The following ADAM20 variants were observed in gnomAD, a reference collection of about 807,000 sequenced individuals.
The protein encoded by ADAM20 is ADAM metallopeptidase domain 20.
For missense variants in ADAM20, 871 were observed against 883.2 expected (o/e 0.99, Z 0.18); for synonymous variants, 305 against 310.2 (o/e 0.98, Z 0.18).
the ADAM20 span, among the ~76,000 whole-genome samples, chr14:70,554,303 T>C: frequency 6.6e-6 from 1 of 152,130 alleles, no homozygotes; most frequent in African/African-American, 2.4e-5. Context: ...ATGGCCATTA[T>C]GGAAAAAAGT....
chr14:70,570,038 GACC>G, the ADAM20 span, among the ~76,000 whole-genome samples: 1 of 150,436 alleles, frequency 6.6e-6, no homozygotes, highest in Non-Finnish European at 1.5e-5. Context: ...CTCTAAATTT[GACC>G]ACAAGCTCGG....
Position 70,523,061 on chromosome 14 carries a change from C to T in ADAM20, c.1697G>A (p.Cys566Tyr). The change falls in exon 2 of 2, where the codon TGT (cysteine) becomes TAT (tyrosine). Residue 566 changes from cysteine to tyrosine, a missense_variant. By Grantham distance (194) the Cys-to-Tyr change is radical. Coordinates refer to ENST00000256389, the MANE Select transcript of ADAM20 (RefSeq NM_003814.5). ...ATTGGGAATTACTCCCACATTTTCA[C>T]ACTGAACCCTCCCACACATGATATC... ...TPDIMCGRVQ[C>Y]ENVGVIPNLI... 1.9e-6 allele frequency: 3 copies of T among 1,613,998 alleles called. No individual in the cohort carries two copies. The highest frequency in any genetic ancestry group is 2.2e-5 in the East Asian group (1 of 44,868).
intron 1 of ADAM20, among the ~76,000 whole-genome samples, chr14:70,528,285 T>C (rs1883633110): frequency 6.6e-6 from 1 of 152,222 alleles, no homozygotes; most frequent in African/African-American, 2.4e-5. Flanking sequence ...CGGGGGAGTT[T>C]GGAACAACAA....
chr14:70,563,130 G>C, the ADAM20 span, among the ~76,000 whole-genome samples: 1 of 152,112 alleles, frequency 6.6e-6, no homozygotes, highest in Admixed American at 6.5e-5. Context: ...GTCACTGCTT[G>C]AGTCACATGA....
chr14:70,562,297 A>G, the ADAM20 span, among the ~76,000 whole-genome samples: 1 of 152,206 alleles, frequency 6.6e-6, no homozygotes, highest in African/African-American at 2.4e-5. Context: ...GTGTTGGCCA[A>G]TTTCTCCCAT....
rs751702950 is a variant in ADAM20 at position 70,524,542 on chromosome 14, G to A, written c.216C>T (p.Tyr72=). Residue 72 remains tyrosine (Y), a synonymous_variant, in exon 2 of 2, where the codon TAC becomes TAT. Transcript: ENST00000256389. ...GCTTATTTACCCTCATGTGGACAAT[G>A]TATCTCTGTCCCCCAAACCGCAGGC... ...SYSLRFGGQR[Y]IVHMRVNKLL... 45 of 1,613,884 alleles carry A rather than the reference G, an allele frequency of 2.8e-5. No individual in the cohort carries two copies. Among genetic ancestry groups the A allele is most frequent in the South Asian group, 2.2e-4 (20 of 91,080 alleles).
chr14:70,556,021 T>C, the ADAM20 span, among the ~76,000 whole-genome samples: 1 of 152,168 alleles, frequency 6.6e-6, no homozygotes, highest in East Asian at 1.9e-4. Context: ...GAAGAGCATT[T>C]TCCGACTCTA....
rs1213127057 is a variant in ADAM20 at position 70,524,485 on chromosome 14, G to A, written c.273C>T (p.Thr91=). The part of the protein sequence containing the change: ...LLFAAHLPVF[T]YTEQHALLQD... Reference sequence around the variant, plus strand: ...GGAGCAGGGCATGCTGCTCTGTGTAGGTGAACACAGGAAGGTGTGCAGCAA... The same window carrying A: ...GGAGCAGGGCATGCTGCTCTGTGTAAGTGAACACAGGAAGGTGTGCAGCAA... The change falls in exon 2 of 2, where the codon ACC becomes ACT. Residue 91 remains threonine, a synonymous_variant. Transcript: ENST00000256389. 2 of 1,614,002 alleles carry A rather than the reference G, an allele frequency of 1.2e-6. No homozygotes were observed. Among genetic ancestry groups the A allele is most frequent in the Non-Finnish European group, 8.5e-7 (1 of 1,179,942 alleles).
At chr14:70,534,080 C>T (rs1883773975) in intron 1 of ADAM20, among the ~76,000 whole-genome samples, 1 of 77,104 alleles carries the variant, frequency 1.3e-5, no homozygotes, top group South Asian at 5.1e-4. Context: ...AAGACCCTGT[C>T]TCAAAAAAAA....
chr14:70,544,086 AG>A, the ADAM20 span, among the ~76,000 whole-genome samples: 1 of 151,726 alleles, frequency 6.6e-6, no homozygotes, highest in African/African-American at 2.4e-5. Flanking sequence ...GAGAGATGTC[AG>A]CCCCAAGATA....
At chr14:70,535,951 C>T (rs577633054), upstream of ADAM20, among the ~76,000 whole-genome samples, 1 of 152,132 alleles carries the variant, frequency 6.6e-6, no homozygotes, top group African/African-American at 2.4e-5. Context: ...TCAAAGTCTA[C>T]TTGTTGGTAT....
the ADAM20 span, chr14:70,556,147 G>T: frequency 1.3e-5 from 2 of 152,290 alleles, no homozygotes; most frequent in African/African-American, 4.8e-5. Flanking sequence ...TTCGGGAGAC[G>T]CTCCTGGTCC....
chr14:70,576,580 T>C, the ADAM20 span, among the ~76,000 whole-genome samples: 1 of 152,104 alleles, frequency 6.6e-6, no homozygotes, highest in South Asian at 2.1e-4. Context: ...TCAATAGCCA[T>C]AAACAACTGA....
At chr14:70,533,448 C>G (rs967873788) in intron 1 of ADAM20, among the ~76,000 whole-genome samples, 3 of 152,112 alleles carry the variant, frequency 2.0e-5, no homozygotes, top group African/African-American at 7.2e-5. Context: ...ATGTGCTTTG[C>G]AGGGACATGG....
At chr14:70,525,359 T>C (rs541199141) in intron 1 of ADAM20, among the ~76,000 whole-genome samples, 6 of 152,182 alleles carry the variant, frequency 3.9e-5, no homozygotes, top group African/African-American at 7.2e-5. Flanking sequence ...CAGGCATGCA[T>C]TGCAACAGCC....
At chr14:70,553,751 T>TAA in the ADAM20 span, among the ~76,000 whole-genome samples, 1 of 142,706 alleles carries the variant, frequency 7.0e-6, no homozygotes, top group Non-Finnish European at 1.6e-5. Flanking sequence ...CCCTTCATGA[T>TAA]AAAAAAAAAA....
At chr14:70,555,232 A>G in the ADAM20 span, among the ~76,000 whole-genome samples, 1 of 152,228 alleles carries the variant, frequency 6.6e-6, no homozygotes, top group Non-Finnish European at 1.5e-5. Context: ...TTTATACTTG[A>G]AATTTACTAA....
chr14:70,579,049 A>G, the ADAM20 span, among the ~76,000 whole-genome samples: 2 of 152,142 alleles, frequency 1.3e-5, no homozygotes, highest in Non-Finnish European at 2.9e-5. Context: ...ATAGTATTCC[A>G]TGGTGTATAG....
the ADAM20 span, among the ~76,000 whole-genome samples, chr14:70,540,121 C>T: frequency 0.055 from 8,334 of 152,166 alleles, 724 homozygotes; most frequent in African/African-American, 0.18. Context: ...CCTCGTGATC[C>T]GCCTGCCTTG....
Sources: gnomAD v4.1 joint callset for allele counts (sites outside exome capture counted in the v4.1 genomes callset) on GRCh38, gnomAD v4.1.1 for gene constraint, MANE v1.5 for transcripts, NCBI Gene and HGNC (gene_info 2026-07-23, HGNC 2026-07-21) for gene names.